SKAP1: variants seen among roughly 807,000 people sequenced by gnomAD.
The protein encoded by SKAP1 is src kinase associated phosphoprotein 1.
A neutral mutation model predicts 58.5 loss-of-function variants in SKAP1; 44 were observed. That is an observed-to-expected ratio of 0.75 (90% CI 0.59 to 0.97). SKAP1 has a LOEUF of 0.97. SKAP1 is among the 50% of genes least tolerant of loss of function. SKAP1 has a pLI of 0.00. For synonymous variants in SKAP1, 127 were observed against 149.7 expected (o/e 0.85, Z 1.11); for missense variants, 390 against 435.2 (o/e 0.90, Z 0.92).
chr17:48,166,949 C>T (rs1212655580), intron 10 of SKAP1, among the ~76,000 whole-genome samples: 1 of 152,038 alleles, frequency 6.6e-6, no homozygotes, highest in Non-Finnish European at 1.5e-5. Context: ...ACTGCAGCCT[C>T]GAACTCCTGG....
At chr17:48,180,322 A>AG in intron 8 of SKAP1, 74 bp from the exon 9 acceptor site, 1 of 1,128,798 alleles carries the variant, frequency 8.9e-7, no homozygotes, top group Non-Finnish European at 1.2e-6. Flanking sequence ...AAGAGGGAGA[A>AG]GGAGGAGGAG....
intron 3 of SKAP1, among the ~76,000 whole-genome samples, chr17:48,352,877 G>T (rs1167801904): frequency 6.6e-6 from 1 of 152,114 alleles, no homozygotes; most frequent in African/African-American, 2.4e-5. Flanking sequence ...GAACTATATA[G>T]CCTGAAAATC....
chr17:48,157,752 C>CTCCT (rs1326224880), intron 11 of SKAP1, among the ~76,000 whole-genome samples: 1 of 151,848 alleles, frequency 6.6e-6, no homozygotes, highest in African/African-American at 2.4e-5. Flanking sequence ...TGGTCTCGAA[C>CTCCT]TCCTGACCTC....
intron 11 of SKAP1, among the ~76,000 whole-genome samples, chr17:48,150,520 T>C (rs546006460): frequency 1.9e-4 from 29 of 152,352 alleles, no homozygotes; most frequent in African/African-American, 6.5e-4. Context: ...TCTGTTTGTG[T>C]AAAGTACAGT....
At chr17:48,424,767 T>A (rs1239755443) in intron 1 of SKAP1, among the ~76,000 whole-genome samples, 1 of 149,514 alleles carries the variant, frequency 6.7e-6, no homozygotes, top group Non-Finnish European at 1.5e-5. Context: ...ACCCCGTGTC[T>A]ATTAAAAATA....
At chr17:48,374,107 T>C (rs1196387610) in intron 2 of SKAP1, among the ~76,000 whole-genome samples, 1 of 152,150 alleles carries the variant, frequency 6.6e-6, no homozygotes, top group Non-Finnish European at 1.5e-5. Context: ...CAATCTCAGC[T>C]CACTGCAACT....
chr17:48,190,264 G>A (rs931063179), intron 4 of SKAP1, among the ~76,000 whole-genome samples: 5 of 151,750 alleles, frequency 3.3e-5, no homozygotes, highest in Non-Finnish European at 7.4e-5. Context: ...CCACCACCAC[G>A]CCCGGCTAAT....
chr17:48,151,575 T>C (rs1168770279), intron 11 of SKAP1, among the ~76,000 whole-genome samples: 2 of 152,250 alleles, frequency 1.3e-5, no homozygotes, highest in African/African-American at 2.4e-5. Context: ...GAATATTAAT[T>C]GCTGGTATTA....
intron 4 of SKAP1, chr17:48,203,945 A>T (rs1230618569): frequency 6.6e-6 from 1 of 152,186 alleles, no homozygotes; most frequent in Non-Finnish European, 1.5e-5. Context: ...TGTTTATAAA[A>T]TGCTTTCGTG....
intron 4 of SKAP1, among the ~76,000 whole-genome samples, chr17:48,262,595 C>T (rs1045626132): frequency 1.3e-5 from 2 of 152,132 alleles, no homozygotes; most frequent in Non-Finnish European, 2.9e-5. Flanking sequence ...ATTGTAATCT[C>T]ATTGCATGAA....
chr17:48,284,093 T>C (rs562582109), intron 4 of SKAP1, among the ~76,000 whole-genome samples: 32 of 152,316 alleles, frequency 2.1e-4, no homozygotes, highest in African/African-American at 7.2e-4. Context: ...TGCTTCCCCC[T>C]CCTTCCTGCT....
chr17:48,380,442 A>T (rs1182301878), intron 2 of SKAP1: 1 of 152,200 alleles, frequency 6.6e-6, no homozygotes, highest in Admixed American at 6.5e-5. Context: ...CAAAAACAAA[A>T]AACAAAAAAC....
At chr17:48,268,840 G>A (rs959572278) in intron 4 of SKAP1, among the ~76,000 whole-genome samples, 1 of 151,922 alleles carries the variant, frequency 6.6e-6, no homozygotes, top group African/African-American at 2.4e-5. Context: ...ACCACAGTAA[G>A]ATTTTTAAGT....
intron 1 of SKAP1, among the ~76,000 whole-genome samples, chr17:48,418,345 G>T (rs1410966877): frequency 1.3e-5 from 2 of 152,026 alleles, no homozygotes; most frequent in Non-Finnish European, 1.5e-5. Context: ...ATACTTCTAT[G>T]TTGTGCAAAT....
chr17:48,437,164 C>T, the SKAP1 span, among the ~76,000 whole-genome samples: 1 of 152,118 alleles, frequency 6.6e-6, no homozygotes, highest in Non-Finnish European at 1.5e-5. Context: ...GTACCTCTGC[C>T]CCACATTCCC....
At chr17:48,295,451 T>C (rs1355047784) in intron 4 of SKAP1, 1 of 152,088 alleles carries the variant, frequency 6.6e-6, no homozygotes, top group Non-Finnish European at 1.5e-5. Context: ...GGTCATGACA[T>C]CCTAGGCAAG....
chr17:48,334,803 A>G (rs893200046), intron 4 of SKAP1, among the ~76,000 whole-genome samples: 2 of 151,912 alleles, frequency 1.3e-5, no homozygotes, highest in African/African-American at 4.8e-5. Flanking sequence ...TTTTGTCTTC[A>G]GGTGCTCATA....
chr17:48,158,593 A>T lies in SKAP1; in HGVS notation c.978+3876T>A, dbSNP rs111409831. Among the ~76,000 whole-genome samples the T allele has an allele frequency of 3.7e-3, 545 of 147,504 alleles. 2 individuals carry two copies. The highest frequency in any genetic ancestry group is 5.7e-3 in the Non-Finnish European group (382 of 66,544). ...AAAAAAAAAAAAAAAAAGAAAAAAG[A>T]AAAAAAAAGATTCTCCTGAGTTTGG... On this transcript the variant is annotated intron_variant, in intron 11 of 12. Transcript: ENST00000336915.
At chr17:48,274,226 C>G (rs1308681159) in intron 4 of SKAP1, among the ~76,000 whole-genome samples, 1 of 152,008 alleles carries the variant, frequency 6.6e-6, no homozygotes, top group Non-Finnish European at 1.5e-5. Flanking sequence ...GAAACCCTGT[C>G]TCTATTAAAA....
Sources: allele counts gnomAD v4.1 joint callset (sites outside exome capture counted in the v4.1 genomes callset), GRCh38; gene constraint gnomAD v4.1.1; transcripts MANE v1.5; gene names NCBI Gene and HGNC (gene_info 2026-07-23, HGNC 2026-07-21).